TTC6: variants seen among roughly 807,000 people sequenced by gnomAD.
TTC6 encodes the protein tetratricopeptide repeat domain 6, also known as tetratricopeptide repeat protein 6.
A neutral mutation model predicts 210.4 loss-of-function variants in TTC6; 172 were observed. The observed-to-expected ratio is 0.82, with a 90% CI of 0.72 to 0.93. The LOEUF is 0.93. Ranked by LOEUF, TTC6 falls within the 40% of genes least tolerant of loss-of-function variation. The pLI, the probability that TTC6 is intolerant of heterozygous loss-of-function variation, is 0.00. For missense variants in TTC6, 2,414 were observed against 2,318.1 expected, an observed-to-expected ratio of 1.04 and a Z score of -0.85; for synonymous variants, 804 against 819.6, an observed-to-expected ratio of 0.98 and a Z score of 0.32.
intron 20 of TTC6, among the ~76,000 whole-genome samples, chr14:37,800,822 AT>A (rs1229690105): frequency 6.6e-5 from 10 of 152,270 alleles, no homozygotes; most frequent in African/African-American, 2.4e-4. Flanking sequence ...AACACTGACA[AT>A]TTGGACTTAG....
chr14:37,632,317 G>T (rs1243529488), intron 1 of TTC6, among the ~76,000 whole-genome samples: 1 of 152,184 alleles, frequency 6.6e-6, no homozygotes, highest in Non-Finnish European at 1.5e-5. Flanking sequence ...CATCCTTTTG[G>T]TTGATGTTGA....
At position 37,772,676 on chromosome 14, in the gene TTC6, G is replaced by A. The variant is rs192658191; in HGVS notation, c.3267-14792G>A. On this transcript the variant is annotated intron_variant, in intron 14 of 30. Coordinates refer to ENST00000553443, the Ensembl canonical transcript of TTC6. Reference sequence around the variant, plus strand: ...CCCTGCTTCGGCTCGCTCACGGTGCGCGCACCCACTGACCTGCGCCCACTG... The same window carrying A: ...CCCTGCTTCGGCTCGCTCACGGTGCACGCACCCACTGACCTGCGCCCACTG... 6.8e-4 allele frequency: 106 copies of A among 157,004 alleles called. 2 individuals carry two copies. The highest frequency in any genetic ancestry group is 2.5e-3 in the Admixed American group (38 of 15,344). The allele number at this position is 157,004 out of a possible 1,614,324, so 9.7% of individuals were successfully genotyped here.
At chr14:37,770,645 T>C (rs1202548126) in intron 14 of TTC6, among the ~76,000 whole-genome samples, 4 of 152,040 alleles carry the variant, frequency 2.6e-5, no homozygotes, top group Non-Finnish European at 5.9e-5. Context: ...TTTTTGTTTT[T>C]CATTTGCTTG....
chr14:37,733,502 A>C (rs1321261722), intron 7 of TTC6, among the ~76,000 whole-genome samples: 1 of 152,152 alleles, frequency 6.6e-6, no homozygotes, highest in Non-Finnish European at 1.5e-5. Flanking sequence ...TCTGAGTATA[A>C]TATATTGGCA....
chr14:37,641,953 A>G (rs1396254118), intron 1 of TTC6, among the ~76,000 whole-genome samples: 1 of 152,222 alleles, frequency 6.6e-6, no homozygotes, highest in African/African-American at 2.4e-5. Context: ...TTCTTCTGAC[A>G]GCCAGTCCAG....
intron 5 of TTC6, among the ~76,000 whole-genome samples, chr14:37,713,311 A>G (rs991423636): frequency 6.6e-6 from 1 of 152,150 alleles, no homozygotes; most frequent in South Asian, 2.1e-4. Context: ...TATCTAGAAC[A>G]TTGGCTTCTG....
At chr14:37,661,649 A>T (rs1317837419) in intron 1 of TTC6, among the ~76,000 whole-genome samples, 1 of 152,036 alleles carries the variant, frequency 6.6e-6, no homozygotes, top group African/African-American at 2.4e-5. Flanking sequence ...TCTTGGCTAT[A>T]TGGGCTCTTT....
intron 10 of TTC6, 46 bp from the exon 13 acceptor site, chr14:37,748,893 T>A: frequency 7.3e-7 from 1 of 1,368,468 alleles, no homozygotes; most frequent in Non-Finnish European, 9.6e-7. Flanking sequence ...ATTAGAAAGA[T>A]GATTGTATTT....
intron 1 of TTC6, among the ~76,000 whole-genome samples, chr14:37,635,993 A>G (rs1230933082): frequency 2.0e-5 from 3 of 150,490 alleles, no homozygotes; most frequent in Admixed American, 6.6e-5. Context: ...AAAAAAAAAA[A>G]AAAAAAAGAA....
intron 25 of TTC6, among the ~76,000 whole-genome samples, chr14:37,815,784 TA>T (rs1165629338): frequency 6.6e-6 from 1 of 152,150 alleles, no homozygotes; most frequent in Non-Finnish European, 1.5e-5. Flanking sequence ...AGAAAAATTA[TA>T]ATATTAAATA....
At chr14:37,722,431 C>G (rs2095863724) in intron 6 of TTC6, among the ~76,000 whole-genome samples, 1 of 152,176 alleles carries the variant, frequency 6.6e-6, no homozygotes, top group African/African-American at 2.4e-5. Flanking sequence ...CCCTTGAGAG[C>G]AGACCTTCAG....
chr14:37,806,733 T>C (rs2096119328), intron 22 of TTC6, among the ~76,000 whole-genome samples: 2 of 152,228 alleles, frequency 1.3e-5, no homozygotes, highest in Non-Finnish European at 2.9e-5. Context: ...GTGAATGTGA[T>C]ATATGTAAAT....
intron 14 of TTC6, among the ~76,000 whole-genome samples, chr14:37,772,920 A>G (rs907843112): frequency 1.1e-4 from 16 of 152,178 alleles, no homozygotes; most frequent in African/African-American, 3.6e-4. Flanking sequence ...CACCAAGAAA[A>G]TGTCATTTTA....
chr14:37,830,557 C>T (rs1444393836), intron 29 of TTC6, among the ~76,000 whole-genome samples: 1 of 151,662 alleles, frequency 6.6e-6, no homozygotes, highest in Non-Finnish European at 1.5e-5. Context: ...TTTCCTAAAT[C>T]TTTATACTGT....
chr14:37,816,994 G>A (rs2096143580), intron 25 of TTC6, among the ~76,000 whole-genome samples: 1 of 152,042 alleles, frequency 6.6e-6, no homozygotes, highest in African/African-American at 2.4e-5. Context: ...CCTAACTTCA[G>A]ATCTGGGGAT....
At chr14:37,664,128 T>A (rs2095743203) in intron 1 of TTC6, among the ~76,000 whole-genome samples, 1 of 150,616 alleles carries the variant, frequency 6.6e-6, no homozygotes, top group African/African-American at 2.4e-5. Context: ...CCATTGACAT[T>A]CTTCACAGAA....
intron 25 of TTC6, among the ~76,000 whole-genome samples, chr14:37,815,458 G>A (rs1566970933): frequency 6.6e-6 from 1 of 152,176 alleles, no homozygotes; most frequent in Non-Finnish European, 1.5e-5. Flanking sequence ...GTTCACAATA[G>A]GGTTTGCACT....
intron 10 of TTC6, among the ~76,000 whole-genome samples, chr14:37,743,647 T>C (rs2095927629): frequency 6.6e-6 from 1 of 152,234 alleles, no homozygotes; most frequent in East Asian, 1.9e-4. Context: ...ACTAAGGCAG[T>C]GATTATTTCT....
intron 1 of TTC6, among the ~76,000 whole-genome samples, chr14:37,676,291 A>T (rs2095769246): frequency 6.6e-6 from 1 of 152,084 alleles, no homozygotes; most frequent in African/African-American, 2.4e-5. Context: ...AAGCTGAATA[A>T]TCAGGGTATT....
Sources: gnomAD v4.1 joint callset for allele counts (sites outside exome capture counted in the v4.1 genomes callset) on GRCh38, gnomAD v4.1.1 for gene constraint, MANE v1.5 for transcripts, NCBI Gene and HGNC (gene_info 2026-07-23, HGNC 2026-07-21) for gene names.